Variants in FOLR3 observed in about 807,000 individuals in gnomAD.
The protein encoded by FOLR3 is folate receptor gamma.
In FOLR3, 9 loss-of-function variants were observed where a neutral mutation model predicts 20.0. The observed-to-expected ratio is 0.45, with a 90% confidence interval of 0.27 to 0.79. The LOEUF (loss-of-function observed/expected upper bound fraction) is 0.79. Ranked by LOEUF, FOLR3 falls within the 30% of genes least tolerant of loss-of-function variation. FOLR3 has a pLI of 0.15. For synonymous variants in FOLR3, 124 were observed against 115.5 expected, an observed-to-expected ratio of 1.07 and a Z score of -0.47; for missense variants, 309 against 323.5, an observed-to-expected ratio of 0.96 and a Z score of 0.34.
chr11:72,136,258 A>T, intron 2 of FOLR3, 138 bp downstream of exon 2: 3 of 990,838 alleles, frequency 3.0e-6, no homozygotes, highest in South Asian at 1.5e-5. Flanking sequence ...CCACCATGCC[A>T]CAGGTAAGGC....
rs899353980 is a variant in FOLR3, at chr11:72,139,279, G to A, written c.358-68G>A. ...CGCCCTGCCCCCTCCCACAGCTCTGGTCCCCTTCAAGGGTAAAGCTGCTGA... is the reference window on the plus strand; with the variant it reads ...CGCCCTGCCCCCTCCCACAGCTCTGATCCCCTTCAAGGGTAAAGCTGCTGA... On this transcript the variant is annotated intron_variant, in intron 3 of 4. Coordinates refer to ENST00000611028, the MANE Select transcript of FOLR3 (RefSeq NM_000804.4). The A allele has an allele frequency of 2.6e-5, 41 of 1,571,784 alleles. 1 individual carries two copies. The highest frequency in any genetic ancestry group is 8.2e-5 in the South Asian group (7 of 85,094).
rs376028312 is a variant in FOLR3 at position 72,139,091 on chromosome 11, T to C, written c.299T>C (p.Phe100Ser). The C allele has an allele frequency of 5.8e-5, 90 of 1,556,718 alleles. No individual in the cohort carries two copies. Among genetic ancestry groups the C allele is most frequent in the Admixed American group, 1.9e-5 (1 of 52,274 alleles). Reference protein sequence around the residue: ...GKMEPTCKRHFIQDSCLYECS... With the variant: ...GKMEPTCKRHSIQDSCLYECS... Reference sequence around the variant, plus strand: ...ATGGAACCCACCTGCAAGCGCCACTTTATCCAGGACAGCTGTCTCTATGAG... The same window carrying C: ...ATGGAACCCACCTGCAAGCGCCACTCTATCCAGGACAGCTGTCTCTATGAG... Residue 100 changes from phenylalanine (F) to serine (S), a missense_variant, in exon 3 of 5, where the codon TTT becomes TCT. Physicochemically the swap from Phe to Ser is radical, Grantham distance 155. Transcript: ENST00000611028.
chr11:72,139,128 C>T lies in FOLR3; in HGVS notation c.336C>T (p.Asn112=). The T allele has an allele frequency of 6.2e-7, 1 of 1,613,482 alleles. No homozygotes were observed. Among genetic ancestry groups the T allele is most frequent in the Non-Finnish European group, 8.5e-7 (1 of 1,179,586 alleles). Residue 112 remains asparagine (N), a synonymous_variant, in exon 3 of 5, where the codon AAC becomes AAT. Coordinates refer to ENST00000611028, the MANE Select transcript of FOLR3 (RefSeq NM_000804.4). ...QDSCLYECSP[N]LGPWIRQVNQ... ...GCTGTCTCTATGAGTGCTCACCCAA[C>T]CTGGGGCCCTGGATCCGGCAGGTAT...
At position 72,139,486 on chromosome 11, in the gene FOLR3, A is replaced by G. The variant is rs755808037; in HGVS notation, c.493+4A>G. 1.2e-5 allele frequency: 19 copies of G among 1,613,834 alleles called. No individual in the cohort carries two copies. The highest frequency in any genetic ancestry group is 1.6e-5 in the Non-Finnish European group (19 of 1,179,794). On this transcript the variant is annotated splice_donor_region_variant and intron_variant, in intron 4 of 4. Transcript: ENST00000611028. The stretch of plus-strand genomic sequence containing the variant: ...AAAGGCTGGAATTGGACCTCAGGTG[A>G]GGACCTGAGGAGATAAGATGAGGAG...
Position 72,139,025 on chromosome 11 carries a change from C to T in FOLR3, c.233C>T (p.Thr78Ile). Residue 78 changes from threonine (T) to isoleucine (I), a missense_variant, in exon 3 of 5, where the codon ACC becomes ATC. Thr to Ile is a moderately conservative substitution (Grantham distance 89). Transcript: ENST00000611028. ...ACCAGCCAGGAGCTGCACAAGGACA[C>T]CTCCCGCCTGTACAACTTTAACTGG... ...ASTSQELHKD[T>I]SRLYNFNWDH... is the part of the protein sequence containing the mutation. The T allele has an allele frequency of 6.2e-7, 1 of 1,614,024 alleles. No individual in the cohort carries two copies.
At position 72,135,726 on chromosome 11, in the gene FOLR3, G is replaced by C. The variant is rs898990455; in HGVS notation, c.-49G>C. 11 of 584,304 alleles carry C rather than the reference G, an allele frequency of 1.9e-5. No individual in the cohort carries two copies. Among genetic ancestry groups the C allele is most frequent in the South Asian group, 1.5e-4 (7 of 48,180 alleles). The allele number at this position is 584,304 out of a possible 1,614,324, so 36.2% of individuals were successfully genotyped here. On this transcript the variant is annotated 5_prime_UTR_variant, in exon 1 of 5. Coordinates refer to ENST00000611028, the MANE Select transcript of FOLR3 (RefSeq NM_000804.4). ...AAGGTCACAGAGCAAGCTGGTGTCA[G>C]AGCCTGGACCTACAGCGCTGTTGGT...
chr11:72,137,200 GT>G (rs1326403201), intron 2 of FOLR3, among the ~76,000 whole-genome samples: 1 of 152,128 alleles, frequency 6.6e-6, no homozygotes, highest in Non-Finnish European at 1.5e-5. Flanking sequence ...GATTTCTCAG[GT>G]TTTCTGAGTC....
chr11:72,138,896 G>A (rs1434049734), intron 2 of FOLR3, 65 bp from the exon 3 acceptor site: 1 of 1,578,712 alleles, frequency 6.3e-7, no homozygotes, highest in South Asian at 1.1e-5. Context: ...TGGGGCAGAG[G>A]AGCCAGAATA....
chr11:72,137,446 C>T (rs866241170), intron 2 of FOLR3, among the ~76,000 whole-genome samples: 5 of 151,982 alleles, frequency 3.3e-5, no homozygotes, highest in Non-Finnish European at 7.4e-5. Context: ...CACCCTCCCC[C>T]ACAACCTGGG....
At position 72,139,603 on chromosome 11, in the gene FOLR3, G is replaced by A. The variant is rs376647968; in HGVS notation, c.510G>A (p.Pro170=). The A allele has an allele frequency of 2.6e-5, 42 of 1,613,640 alleles. No individual in the cohort carries two copies. Among genetic ancestry groups the A allele is most frequent in the South Asian group, 2.0e-4 (18 of 91,062 alleles). ...WNWTSGINEC[P]AGALCSTFES... ...CTCCCTCAGGGATTAATGAGTGTCC[G>A]GCCGGGGCCCTCTGCAGCACCTTTG... The change falls in exon 5 of 5, where the codon CCG becomes CCA. Residue 170 remains proline, a synonymous_variant. Coordinates refer to ENST00000611028, the MANE Select transcript of FOLR3 (RefSeq NM_000804.4).
chr11:72,136,252 C>G, intron 2 of FOLR3, 132 bp downstream of exon 2: 1 of 1,070,736 alleles, frequency 9.3e-7, no homozygotes, highest in Non-Finnish European at 1.4e-6. Flanking sequence ...CCAGGGCCAC[C>G]ATGCCACAGG....
chr11:72,136,785 G>T lies in FOLR3; in HGVS notation c.168+665G>T, dbSNP rs1433855415. ...GAGACAGATGACTATCATTCTCAGG[G>T]CCATGAGCTATATGAGAGTGATGAT... On this transcript the variant is annotated intron_variant, in intron 2 of 4. Transcript: ENST00000611028. Among the ~76,000 whole-genome samples, 3 of 152,282 alleles carry T rather than the reference G, an allele frequency of 2.0e-5. No homozygotes were observed. The East Asian group carries it at 5.8e-4, about 29-fold the overall frequency.
intron 2 of FOLR3, among the ~76,000 whole-genome samples, chr11:72,136,424 A>G (rs997243345): frequency 9.2e-5 from 14 of 152,058 alleles, no homozygotes; most frequent in African/African-American, 3.4e-4. Context: ...TGGCGTGGAC[A>G]CAATCTGTGG....
At chr11:72,137,421 C>T (rs1947755287) in intron 2 of FOLR3, among the ~76,000 whole-genome samples, 1 of 151,996 alleles carries the variant, frequency 6.6e-6, no homozygotes, top group South Asian at 2.1e-4. Flanking sequence ...AGAGCCAGAC[C>T]AGCCCCTTGA....
chr11:72,136,482 A>C (rs1947744167), intron 2 of FOLR3, among the ~76,000 whole-genome samples: 1 of 151,772 alleles, frequency 6.6e-6, no homozygotes, highest in Admixed American at 6.6e-5. Flanking sequence ...CATCTGAGTC[A>C]CTCCCAACAT....
exon 5 of FOLR3, chr11:72,139,886 A>ACATGTGT: frequency 1.3e-6 from 2 of 1,589,314 alleles, no homozygotes; most frequent in South Asian, 2.2e-5. Flanking sequence ...AGACAAATCC[A>ACATGTGT]CATGTGTCTT....
chr11:72,137,257 T>G (rs1012148597), intron 2 of FOLR3, among the ~76,000 whole-genome samples: 1 of 152,120 alleles, frequency 6.6e-6, no homozygotes, highest in Non-Finnish European at 1.5e-5. Flanking sequence ...CATTTCTGCT[T>G]GTCTTACCTG....
chr11:72,139,149 G>C lies in FOLR3; in HGVS notation c.357G>C (p.Gln119His), dbSNP rs1019534570. 1.9e-6 allele frequency: 3 copies of C among 1,611,774 alleles called. No homozygotes were observed. Among genetic ancestry groups the C allele is most frequent in the South Asian group, 2.2e-5 (2 of 90,798 alleles). ...CSPNLGPWIR[Q>H]VNQSWRKERI... Reference sequence around the variant, plus strand: ...CCAACCTGGGGCCCTGGATCCGGCAGGTATGAGTGCTGTTCCCACAAACAT... The same window carrying C: ...CCAACCTGGGGCCCTGGATCCGGCACGTATGAGTGCTGTTCCCACAAACAT... The change falls in exon 3 of 5, where the codon CAG (glutamine) becomes CAC (histidine). Residue 119 changes from glutamine to histidine, a missense_variant and splice_region_variant. By Grantham distance (24) the Gln-to-His change is conservative. Coordinates refer to ENST00000611028, the MANE Select transcript of FOLR3 (RefSeq NM_000804.4).
chr11:72,138,354 G>A (rs1373066934), intron 2 of FOLR3, among the ~76,000 whole-genome samples: 3 of 151,972 alleles, frequency 2.0e-5, no homozygotes, highest in East Asian at 1.9e-4. Context: ...CAACAGGAGC[G>A]AAACTCTGTC....
Sources: gnomAD v4.1 joint callset for allele counts (sites outside exome capture counted in the v4.1 genomes callset) on GRCh38, gnomAD v4.1.1 for gene constraint, MANE v1.5 for transcripts, NCBI Gene and HGNC (gene_info 2026-07-23, HGNC 2026-07-21) for gene names.